LRRC1: variants seen among roughly 807,000 people sequenced by gnomAD.
LRRC1 encodes leucine rich repeat containing 1.
LRRC1 carries 28 observed loss-of-function variants against 69.9 expected under a neutral mutation model. The observed-to-expected ratio is 0.40, with a 90% CI of 0.30 to 0.55. The LOEUF is 0.55. Among genes scored for constraint, LRRC1 ranks in the 20% least tolerant of loss-of-function variants. The pLI is 0.47. For missense variants in LRRC1, 498 were observed against 609.0 expected (o/e 0.82, Z 1.92); for synonymous variants, 236 against 240.2 (o/e 0.98, Z 0.16).
At chr6:53,899,966 C>G in intron 8 of LRRC1, 75 bp downstream of exon 8, 1 of 1,350,720 alleles carries the variant, frequency 7.4e-7, no homozygotes, top group Non-Finnish European at 1.0e-6. Flanking sequence ...CACTTTGATC[C>G]TTTGGTCACC....
At chr6:53,874,710 A>C (rs894795169) in intron 2 of LRRC1, among the ~76,000 whole-genome samples, 52 of 152,208 alleles carry the variant, frequency 3.4e-4, no homozygotes, top group Admixed American at 1.3e-3. Flanking sequence ...AGATTGAATG[A>C]GTCAGACTGG....
chr6:53,916,371 C>G (rs1338188242), intron 11 of LRRC1, among the ~76,000 whole-genome samples: 2 of 152,072 alleles, frequency 1.3e-5, no homozygotes, highest in Non-Finnish European at 2.9e-5. Context: ...TATTAAAAGA[C>G]AAACAACAGC....
intron 8 of LRRC1, among the ~76,000 whole-genome samples, chr6:53,900,398 A>G (rs899882722): frequency 2.6e-5 from 4 of 152,212 alleles, no homozygotes; most frequent in African/African-American, 9.6e-5. Context: ...GTTTCTCTAC[A>G]TGCAGATGTT....
chr6:53,828,650 A>G (rs182653364), intron 1 of LRRC1, among the ~76,000 whole-genome samples: 2 of 152,304 alleles, frequency 1.3e-5, no homozygotes, highest in African/African-American at 4.8e-5. Flanking sequence ...ATTTCTTTAA[A>G]TTTACATGCT....
At chr6:53,884,371 G>T (rs1767401680) in intron 4 of LRRC1, among the ~76,000 whole-genome samples, 1 of 152,036 alleles carries the variant, frequency 6.6e-6, no homozygotes. Flanking sequence ...GCTGGGCCTG[G>T]TGGCCCAAAC....
intron 13 of LRRC1, among the ~76,000 whole-genome samples, chr6:53,922,011 A>C (rs1254731567): frequency 6.6e-6 from 1 of 152,224 alleles, no homozygotes; most frequent in Non-Finnish European, 1.5e-5. Flanking sequence ...TATGAGCTAA[A>C]GATCATGTAA....
chr6:53,846,850 T>C (rs926701441), intron 2 of LRRC1, among the ~76,000 whole-genome samples: 2 of 152,200 alleles, frequency 1.3e-5, no homozygotes, highest in African/African-American at 4.8e-5. Flanking sequence ...GAAAATGACC[T>C]CTGATTATGT....
intron 2 of LRRC1, among the ~76,000 whole-genome samples, chr6:53,864,545 G>A (rs961450509): frequency 6.6e-6 from 1 of 152,128 alleles, no homozygotes; most frequent in Non-Finnish European, 1.5e-5. Flanking sequence ...TCTTTCACAT[G>A]TCAGCAGAAT....
intron 2 of LRRC1, among the ~76,000 whole-genome samples, chr6:53,862,315 G>A (rs1766554550): frequency 6.6e-6 from 1 of 151,504 alleles, no homozygotes; most frequent in South Asian, 2.1e-4. Context: ...GTGTGTGTGT[G>A]TGTGTGTGTG....
intron 4 of LRRC1, 126 bp from the exon 5 acceptor site, chr6:53,896,372 C>T: frequency 1.2e-5 from 9 of 732,812 alleles, no homozygotes; most frequent in East Asian, 5.2e-5. Context: ...GTATTTTTAC[C>T]CTGGTAAGTG....
chr6:53,895,496 G>A (rs1263336115), intron 4 of LRRC1, among the ~76,000 whole-genome samples: 1 of 152,152 alleles, frequency 6.6e-6, no homozygotes, highest in Non-Finnish European at 1.5e-5. Flanking sequence ...TTAGAGTGTT[G>A]GGATAATGTC....
At position 53,814,115 on chromosome 6, in the gene LRRC1, T is replaced by A. The variant is rs114968078; in HGVS notation, c.159+18700T>A. On this transcript the variant is annotated intron_variant, in intron 1 of 13. Coordinates refer to ENST00000370888, the MANE Select transcript of LRRC1 (RefSeq NM_018214.5). Reference sequence around the variant, plus strand: ...TCTCTTCATTGCTCATTTACTTCTCTAACTCCAACTCATCTTTCATAGGAT... The same window carrying A: ...TCTCTTCATTGCTCATTTACTTCTCAAACTCCAACTCATCTTTCATAGGAT... 2.2e-3 allele frequency among the ~76,000 whole-genome samples: 330 copies of A among 152,360 alleles called. 2 individuals carry two copies. The highest frequency in any genetic ancestry group is 7.6e-3 in the African/African-American group (315 of 41,576).
intron 1 of LRRC1, among the ~76,000 whole-genome samples, chr6:53,836,894 C>T (rs1765627386): frequency 6.6e-6 from 1 of 152,122 alleles, no homozygotes; most frequent in African/African-American, 2.4e-5. Flanking sequence ...CTTTGCTTAT[C>T]CTTTTGGGTT....
At chr6:53,872,537 T>G (rs1264215952) in intron 2 of LRRC1, among the ~76,000 whole-genome samples, 1 of 152,158 alleles carries the variant, frequency 6.6e-6, no homozygotes, top group African/African-American at 2.4e-5. Context: ...TTCCTTTTTT[T>G]TGTATCCTTT....
At position 53,872,519 on chromosome 6, in the gene LRRC1, A is replaced by G. The variant is rs190364126; in HGVS notation, c.278-6474A>G. 3.3e-3 allele frequency among the ~76,000 whole-genome samples: 505 copies of G among 152,210 alleles called. 1 individual carries two copies. Among genetic ancestry groups the G allele is most frequent in the Middle Eastern group, 0.014 (4 of 294 alleles). On this transcript the variant is annotated intron_variant, in intron 2 of 13. Transcript: ENST00000370888. ...TAATTTACATTTTCACTAACAGTGT[A>G]TAATAATTTCCTTTTTTTTGTATCC...
intron 10 of LRRC1, among the ~76,000 whole-genome samples, chr6:53,912,955 G>A (rs1768458721): frequency 6.6e-6 from 1 of 152,100 alleles, no homozygotes; most frequent in Non-Finnish European, 1.5e-5. Context: ...GTTGTGTCTG[G>A]GATCAAGCTA....
At chr6:53,899,272 C>T (rs1249453898) in intron 7 of LRRC1, among the ~76,000 whole-genome samples, 1 of 152,110 alleles carries the variant, frequency 6.6e-6, no homozygotes, top group Non-Finnish European at 1.5e-5. Context: ...TGCTGGGGAG[C>T]AATTGCATTG....
intron 1 of LRRC1, among the ~76,000 whole-genome samples, chr6:53,814,984 A>G (rs1764908846): frequency 6.6e-6 from 1 of 152,216 alleles, no homozygotes; most frequent in South Asian, 2.1e-4. Flanking sequence ...TGTATAAGGA[A>G]CTAGGCTGTC....
chr6:53,840,181 G>T (rs770381268), intron 1 of LRRC1, among the ~76,000 whole-genome samples: 2 of 152,172 alleles, frequency 1.3e-5, no homozygotes, highest in Non-Finnish European at 2.9e-5. Context: ...CAAGGAAACT[G>T]AACTTTTTGA....
Sources: allele counts gnomAD v4.1 joint callset (sites outside exome capture counted in the v4.1 genomes callset), GRCh38; gene constraint gnomAD v4.1.1; transcripts MANE v1.5; gene names NCBI Gene and HGNC (gene_info 2026-07-23, HGNC 2026-07-21).